TRAF3IP3: variants seen among roughly 807,000 people sequenced by gnomAD.
TRAF3IP3 encodes TRAF3 interacting protein 3, also known as TRAF3-interacting JNK-activating modulator.
Under a neutral mutation model 86.5 loss-of-function variants are expected in TRAF3IP3, and 64 were observed. The observed-to-expected ratio is 0.74, with a 90% confidence interval of 0.60 to 0.91. The LOEUF is 0.91. Ranked by LOEUF, TRAF3IP3 falls within the 40% of genes least tolerant of loss-of-function variation. The pLI, the probability that TRAF3IP3 is intolerant of heterozygous loss-of-function variation, is 0.00. For synonymous variants in TRAF3IP3, 220 were observed against 243.9 expected (o/e 0.90, Z 0.91); for missense variants, 579 against 642.9 (o/e 0.90, Z 1.07).
chr1:209,770,269 G>A (rs1430010872), intron 8 of TRAF3IP3, among the ~76,000 whole-genome samples: 2 of 152,232 alleles, frequency 1.3e-5, no homozygotes, highest in African/African-American at 2.4e-5. Context: ...TCTTAAAGAA[G>A]TTCTCATCTT....
At chr1:209,770,987 T>TGTGTGCAGGTGGAGGTGTGC (rs2077486163) in intron 8 of TRAF3IP3, among the ~76,000 whole-genome samples, 1 of 131,846 alleles carries the variant, frequency 7.6e-6, no homozygotes, top group South Asian at 2.6e-4. Context: ...TGGAGGTGTG[T>TGTGTGCAGGTGGAGGTGTGC]GTGTGCAGGT....
chr1:209,761,903 T>C (rs529333357), intron 3 of TRAF3IP3, among the ~76,000 whole-genome samples: 26 of 152,144 alleles, frequency 1.7e-4, no homozygotes, highest in Non-Finnish European at 2.8e-4. Flanking sequence ...CTAGAGATTC[T>C]AGAGAGAAAA....
chr1:209,775,225 C>T lies in TRAF3IP3; in HGVS notation c.775-124C>T, dbSNP rs1429009106. On this transcript the variant is annotated intron_variant, in intron 9 of 16. Transcript: ENST00000367025. Reference sequence around the variant, plus strand: ...GCTAGCTCTACCCTAAAAGAAATGGCTCACTAGATTACTGGTATCTCTGCC... The same window carrying T: ...GCTAGCTCTACCCTAAAAGAAATGGTTCACTAGATTACTGGTATCTCTGCC... The T allele has an allele frequency of 1.9e-5, 17 of 877,822 alleles. No homozygotes were observed. In the South Asian group the frequency reaches 2.6e-4, roughly 13 times the overall value. The allele number at this position is 877,822 out of a possible 1,614,324, so 54.4% of individuals were successfully genotyped here.
chr1:209,776,310 T>A (rs2077653311), intron 11 of TRAF3IP3: 1 of 152,216 alleles, frequency 6.6e-6, no homozygotes, highest in Non-Finnish European at 1.5e-5. Context: ...AGTAAGATGA[T>A]CCATGTAAAG....
At chr1:209,765,856 A>G (rs2077347192) in intron 8 of TRAF3IP3, among the ~76,000 whole-genome samples, 1 of 152,238 alleles carries the variant, frequency 6.6e-6, no homozygotes, top group South Asian at 2.1e-4. Flanking sequence ...CAAATATGTC[A>G]TTAGAAAAAG....
chr1:209,774,437 G>A (rs2077611130), intron 9 of TRAF3IP3, among the ~76,000 whole-genome samples: 1 of 152,174 alleles, frequency 6.6e-6, no homozygotes, highest in African/African-American at 2.4e-5. Flanking sequence ...TGAACCCTAA[G>A]AAAAGCTACC....
chr1:209,775,774 TG>T, intron 11 of TRAF3IP3, 38 bp downstream of exon 11: 1 of 1,562,668 alleles, frequency 6.4e-7, no homozygotes, highest in Non-Finnish European at 8.7e-7. Flanking sequence ...AGACAGGGTA[TG>T]GGGAGGAGGG....
intron 3 of TRAF3IP3, among the ~76,000 whole-genome samples, chr1:209,761,094 C>T (rs1008434000): frequency 6.6e-6 from 1 of 152,224 alleles, no homozygotes. Context: ...ATGCCAAGCA[C>T]ACAGGCCAGT....
At chr1:209,781,980 A>T in intron 16 of TRAF3IP3, 76 bp from the exon 17 acceptor site, 1 of 1,238,454 alleles carries the variant, frequency 8.1e-7, no homozygotes, top group South Asian at 1.2e-5. Flanking sequence ...CTAGAGTAGG[A>T]AGAAGAAAGA....
At chr1:209,768,198 T>C (rs952669395) in intron 8 of TRAF3IP3, 1 of 985,406 alleles carries the variant, frequency 1.0e-6, no homozygotes, top group Non-Finnish European at 1.2e-6. Context: ...ATTTTTGCCA[T>C]TTGACCTTCA....
At chr1:209,781,544 C>A in intron 16 of TRAF3IP3, 86 bp downstream of exon 16, 1 of 958,452 alleles carries the variant, frequency 1.0e-6, no homozygotes, top group East Asian at 2.5e-5. Flanking sequence ...ATATATCAGC[C>A]CACGCCAACA....
At chr1:209,770,239 T>A (rs1571934995) in intron 8 of TRAF3IP3, among the ~76,000 whole-genome samples, 1 of 152,256 alleles carries the variant, frequency 6.6e-6, no homozygotes, top group African/African-American at 2.4e-5. Flanking sequence ...TCTGCTTTAA[T>A]ATCTCTCCGT....
At chr1:209,781,944 C>A in intron 16 of TRAF3IP3, 112 bp from the exon 17 acceptor site, 1 of 837,418 alleles carries the variant, frequency 1.2e-6, no homozygotes, top group Non-Finnish European at 1.9e-6. Context: ...TTTTTCTCCA[C>A]CACCAACCCA....
intron 8 of TRAF3IP3, among the ~76,000 whole-genome samples, chr1:209,767,945 A>AC (rs1364761226): frequency 4.6e-5 from 7 of 151,118 alleles, no homozygotes; most frequent in African/African-American, 7.3e-5. Flanking sequence ...CCTTCTTCTC[A>AC]CCCCTCCCAA....
intron 8 of TRAF3IP3, among the ~76,000 whole-genome samples, chr1:209,764,102 G>C (rs976230469): frequency 6.6e-6 from 1 of 152,094 alleles, no homozygotes; most frequent in Non-Finnish European, 1.5e-5. Flanking sequence ...CACACAGCTA[G>C]GTAGTGGCAG....
chr1:209,777,613 A>AT, intron 12 of TRAF3IP3, 126 bp downstream of exon 12: 1 of 1,045,736 alleles, frequency 9.6e-7, no homozygotes, highest in Non-Finnish European at 1.4e-6. Context: ...GATTGGCTTT[A>AT]TAATCTCATT....
Position 209,777,490 on chromosome 1 carries a change from A to T in TRAF3IP3, c.1189+3A>T. 6.2e-7 allele frequency: 1 copy of T among 1,608,922 alleles called. No homozygotes were observed. ...CTTGGATACCCAGGACCTACAAGGT[A>T]CTCTTCTCCTTGGAGGCCTTGAGTG... On this transcript the variant is annotated splice_donor_region_variant and intron_variant, in intron 12 of 16. Coordinates refer to ENST00000367025, the MANE Select transcript of TRAF3IP3 (RefSeq NM_025228.4).
chr1:209,775,538 G>A (rs775786957), intron 10 of TRAF3IP3, 49 bp downstream of exon 10: 2 of 1,614,046 alleles, frequency 1.2e-6, no homozygotes, highest in African/African-American at 2.7e-5. Context: ...AGGCAGCTTG[G>A]GGAACAAGGG....
chr1:209,765,233 G>GA lies in TRAF3IP3; in HGVS notation c.702+1646_702+1647insA, dbSNP rs1558013097. Among the ~76,000 whole-genome samples the GA allele has an allele frequency of 2.0e-4, 18 of 88,002 alleles. No individual in the cohort carries two copies. The East Asian group carries it at 3.0e-3, about 15-fold the overall frequency. 57.7% of individuals were successfully genotyped at this position (88,002 alleles called of 152,430 possible). A position where few individuals can be genotyped will look rare whatever the true frequency, so the allele number is the denominator to read the frequency against. ...AGAGAGGGAGAGAGAGAGAGAGGAA[G>GA]GAAGGAAGGAAGGAAGGAAGGAAGG... On this transcript the variant is annotated intron_variant, in intron 8 of 16. Transcript: ENST00000367025.
Sources: gnomAD v4.1 joint callset for allele counts (sites outside exome capture counted in the v4.1 genomes callset) on GRCh38, gnomAD v4.1.1 for gene constraint, MANE v1.5 for transcripts, NCBI Gene and HGNC (gene_info 2026-07-23, HGNC 2026-07-21) for gene names.